Variants in HEATR6 observed in about 807,000 individuals in gnomAD.
HEATR6 encodes the protein HEAT repeat containing 6.
In HEATR6, 106 loss-of-function variants were observed where a neutral mutation model predicts 132.8. That is an observed-to-expected ratio of 0.80 (90% CI 0.68 to 0.94). HEATR6 has a LOEUF of 0.94. Among genes scored for constraint, HEATR6 ranks in the 40% least tolerant of loss-of-function variants. The pLI is 0.00. For missense variants in HEATR6, 1,339 were observed against 1,425.1 expected (o/e 0.94, Z 0.97); for synonymous variants, 529 against 537.8 (o/e 0.98, Z 0.23).
rs986063133 is a variant in HEATR6 at position 60,041,501 on chromosome 17, C to T, written c.*2062G>A. Among the ~76,000 whole-genome samples, 2 of 151,980 alleles carry T rather than the reference C, an allele frequency of 1.3e-5. No individual in the cohort carries two copies. Among genetic ancestry groups the T allele is most frequent in the Admixed American group, 6.6e-5 (1 of 15,262 alleles). On this transcript the variant is annotated 3_prime_UTR_variant, in exon 20 of 20. Transcript: ENST00000184956. ...TACTACTAAGAATGTATTCAAGAGA[C>T]GGAAGTTCCAAGATTCATCACAGGG...
chr17:60,047,515 A>C (rs1167113076), intron 17 of HEATR6, 110 bp from the exon 18 acceptor site: 3 of 501,188 alleles, frequency 6.0e-6, no homozygotes, highest in Non-Finnish European at 1.0e-5. Flanking sequence ...AAAACAGTTT[A>C]ACAAATCTGC....
In HEATR6 at chr17:60,056,352, T is replaced by C. The variant is rs1385609108; in HGVS notation, c.2080-115A>G. On this transcript the variant is annotated intron_variant, in intron 12 of 19. Coordinates refer to ENST00000184956, the MANE Select transcript of HEATR6 (RefSeq NM_022070.5). ...ACATTTAACAGGGGCTGAAATCTGTTGAATGAAATTAAGAACCATAATCTT... is the reference window on the plus strand; with the variant it reads ...ACATTTAACAGGGGCTGAAATCTGTCGAATGAAATTAAGAACCATAATCTT... 3 of 903,234 alleles carry C rather than the reference T, an allele frequency of 3.3e-6. No individual in the cohort carries two copies. The East Asian group carries it at 8.1e-5, about 24-fold the overall frequency. The allele number at this position is 903,234 out of a possible 1,614,324, so 56.0% of individuals were successfully genotyped here.
At chr17:60,059,863 C>T (rs751033181) in intron 10 of HEATR6, 27 bp downstream of exon 10, 1 of 1,567,150 alleles carries the variant, frequency 6.4e-7, no homozygotes, top group Non-Finnish European at 8.8e-7. Context: ...GAGAAGCCTG[C>T]TCTGGAACCC....
chr17:60,075,101 G>T (rs1413687026), intron 2 of HEATR6, among the ~76,000 whole-genome samples: 1 of 152,224 alleles, frequency 6.6e-6, no homozygotes, highest in Non-Finnish European at 1.5e-5. Flanking sequence ...GTCTACTAGA[G>T]AGTTCATGGG....
At chr17:60,052,675 G>A (rs1568613856) in intron 14 of HEATR6, among the ~76,000 whole-genome samples, 1 of 152,190 alleles carries the variant, frequency 6.6e-6, no homozygotes, top group Non-Finnish European at 1.5e-5. Context: ...AGAATGCAAA[G>A]GGCAGAGGGA....
intron 2 of HEATR6, 173 bp from the exon 3 acceptor site, chr17:60,074,059 C>A: frequency 7.7e-7 from 1 of 1,304,444 alleles, no homozygotes. Flanking sequence ...ACGTAGGGGC[C>A]TTCTCCCCAC....
At chr17:60,074,460 C>T (rs2083287287) in intron 2 of HEATR6, among the ~76,000 whole-genome samples, 1 of 152,222 alleles carries the variant, frequency 6.6e-6, no homozygotes, top group Non-Finnish European at 1.5e-5. Context: ...TGATCAGGAA[C>T]ATCTCCAATT....
At position 60,073,416 on chromosome 17, in the gene HEATR6, G is replaced by A. The variant is rs112015482; in HGVS notation, c.469-137C>T. On this transcript the variant is annotated intron_variant, in intron 3 of 19. Transcript: ENST00000184956. ...GACTAGCTGTTAGATAAATGTCTCC[G>A]ATGGATATGCAAAGATATGCCAAAA... 5.2e-3 allele frequency: 3,262 copies of A among 623,274 alleles called. 24 individuals carry two copies. The highest frequency in any genetic ancestry group is 0.025 in the African/African-American group (1,367 of 54,396). 38.6% of individuals were successfully genotyped at this position (623,274 alleles called of 1,614,324 possible). A position where few individuals can be genotyped will look rare whatever the true frequency, so the allele number is the denominator to read the frequency against.
intron 3 of HEATR6, among the ~76,000 whole-genome samples, chr17:60,073,512 T>C (rs995879211): frequency 3.3e-5 from 5 of 152,214 alleles, no homozygotes; most frequent in Admixed American, 3.3e-4. Context: ...GTATGGCTGA[T>C]GGGTAATGAT....
chr17:60,050,165 AT>A (rs1906531433), intron 15 of HEATR6, among the ~76,000 whole-genome samples: 1 of 152,092 alleles, frequency 6.6e-6, no homozygotes, highest in African/African-American at 2.4e-5. Context: ...CATGAAAGAG[AT>A]TAGTGCCCTT....
rs757221853 is a variant in HEATR6 at position 60,057,130 on chromosome 17, T to G, written c.1997A>C (p.Glu666Ala). The part of the protein sequence containing the change: ...LCISIVVLPK[E>A]DSCSGSDAGS... Reference sequence around the variant, plus strand: ...AGCATCGCTACCTGAACAGGAATCCTCCTTGGGCAGTACGACAATGGAAAT... The same window carrying G: ...AGCATCGCTACCTGAACAGGAATCCGCCTTGGGCAGTACGACAATGGAAAT... The change falls in exon 12 of 20, where the codon GAG becomes GCG. Residue 666 changes from glutamate to alanine, a missense_variant. By Grantham distance (107) the Glu-to-Ala change is moderately radical. Transcript: ENST00000184956. The G allele has an allele frequency of 1.2e-6, 2 of 1,614,190 alleles. No homozygotes were observed. The highest frequency in any genetic ancestry group is 2.2e-5 in the South Asian group (2 of 91,088).
chr17:60,054,479 CTAGCAAAGCCAG>C (rs1906680445), intron 14 of HEATR6, among the ~76,000 whole-genome samples: 1 of 152,246 alleles, frequency 6.6e-6, no homozygotes, highest in Non-Finnish European at 1.5e-5. Flanking sequence ...CAGCCTACAC[CTAGCAAAGCCAG>C]AAGGGCAAGG....
chr17:60,048,803 G>A (rs1367553054), intron 16 of HEATR6, among the ~76,000 whole-genome samples: 7 of 151,850 alleles, frequency 4.6e-5, no homozygotes, highest in Non-Finnish European at 1.0e-4. Flanking sequence ...AAGAGTGAAA[G>A]AGGACATTAT....
rs566976088 is a variant in HEATR6, at chr17:60,066,229, A to G, written c.1396T>C (p.Leu466=). The G allele has an allele frequency of 1.3e-5, 21 of 1,613,766 alleles. No individual in the cohort carries two copies. Among genetic ancestry groups the G allele is most frequent in the South Asian group, 6.6e-5 (6 of 90,958 alleles). ...PQSVSLMTLT[L]KDPSPKTRAC... Reference sequence around the variant, plus strand: ...CTTACCTTTGGAGAAGGGTCTTTCAATGTAAGAGTCATCAAGGACACTGAC... The same window carrying G: ...CTTACCTTTGGAGAAGGGTCTTTCAGTGTAAGAGTCATCAAGGACACTGAC... Residue 466 remains leucine, a synonymous_variant, in exon 9 of 20, where the codon TTG becomes CTG. Transcript: ENST00000184956.
At chr17:60,073,449 A>G (rs1164969105) in intron 3 of HEATR6, among the ~76,000 whole-genome samples, 170 bp from the exon 4 acceptor site, 1 of 152,214 alleles carries the variant, frequency 6.6e-6, no homozygotes, top group Non-Finnish European at 1.5e-5. Context: ...AAAAGCATCA[A>G]TAATGATCAT....
chr17:60,067,855 G>A, intron 7 of HEATR6, 123 bp from the exon 8 acceptor site: 1 of 768,232 alleles, frequency 1.3e-6, no homozygotes, highest in East Asian at 2.9e-5. Flanking sequence ...AAAGAAAGAA[G>A]AAAAGAGAAA....
chr17:60,056,146 G>A lies in HEATR6; in HGVS notation c.2171C>T (p.Ala724Val). The A allele has an allele frequency of 6.2e-7, 1 of 1,614,054 alleles. No homozygotes were observed. Among genetic ancestry groups the A allele is most frequent in the Non-Finnish European group, 8.5e-7 (1 of 1,179,954 alleles). ...TCCATGAAGCTGAATGGATGGATCT[G>A]CTTCCCCCATGCACTTGCAAATCAC... ...GEVICKCMGE[A>V]DPSIQLHGAK... The change falls in exon 13 of 20, where the codon GCA becomes GTA. Residue 724 changes from alanine to valine, a missense_variant. Transcript: ENST00000184956.
rs1906772897 is a variant in HEATR6, at chr17:60,057,206, C to T, written c.1921G>A (p.Val641Ile). ...PAGPSLEETS[V>I]SSPKGSSEPC... ...TCTGAAGACCCCTTAGGTGAGCTAA[C>T]TGACGTTTCTTCCAGAGAGGGTCCT... Residue 641 changes from valine (V) to isoleucine (I), a missense_variant, in exon 12 of 20, where the codon GTT becomes ATT. Val to Ile is a conservative substitution (Grantham distance 29, BLOSUM62 3). Coordinates refer to ENST00000184956, the MANE Select transcript of HEATR6 (RefSeq NM_022070.5). 1 of 1,614,198 alleles carries T rather than the reference C, an allele frequency of 6.2e-7. No homozygotes were observed. Among genetic ancestry groups the T allele is most frequent in the Non-Finnish European group, 8.5e-7 (1 of 1,180,042 alleles).
chr17:60,061,905 G>A (rs191005020), intron 9 of HEATR6, among the ~76,000 whole-genome samples: 5 of 152,272 alleles, frequency 3.3e-5, no homozygotes, highest in African/African-American at 7.2e-5. Flanking sequence ...CTCACAAACT[G>A]AATGAAATTA....
Sources: gnomAD v4.1 joint callset for allele counts (sites outside exome capture counted in the v4.1 genomes callset) on GRCh38, gnomAD v4.1.1 for gene constraint, MANE v1.5 for transcripts, NCBI Gene and HGNC (gene_info 2026-07-23, HGNC 2026-07-21) for gene names.